Variants in SGPP2 observed in about 807,000 individuals in gnomAD.
SGPP2 encodes sphingosine 1-phosphate phosphohydrolase 2.
SGPP2 carries 30 observed loss-of-function variants against 33.9 expected under a neutral mutation model. That is an observed-to-expected ratio of 0.89 (90% confidence interval 0.66 to 1.20). The LOEUF (loss-of-function observed/expected upper bound fraction) is 1.20, where lower values mean the gene tolerates loss of function less well. Ranked by LOEUF, SGPP2 falls within the 50% of genes most tolerant of loss-of-function variation. The pLI, the probability that SGPP2 is intolerant of heterozygous loss-of-function variation, is 0.00. For synonymous variants in SGPP2, 233 were observed against 225.0 expected (o/e 1.04, Z -0.32); for missense variants, 458 against 532.1 (o/e 0.86, Z 1.37).
At chr2:222,507,574 G>A (rs958445652) in intron 2 of SGPP2, among the ~76,000 whole-genome samples, 1 of 152,160 alleles carries the variant, frequency 6.6e-6, no homozygotes, top group Non-Finnish European at 1.5e-5. Flanking sequence ...GAGGAATCTA[G>A]TAGAAAAGGG....
intron 1 of SGPP2, among the ~76,000 whole-genome samples, chr2:222,459,142 C>CTTTCTTTTTTTTTTTTTTTTTT (rs1414316448): frequency 1.8e-4 from 17 of 94,464 alleles, no homozygotes; most frequent in East Asian, 2.8e-4. Context: ...TTCTTTCTTT[C>CTTTCTTTTTTTTTTTTTTTTTT]TTTTTTTTTT....
chr2:222,553,096 C>CCCTA, intron 4 of SGPP2, among the ~76,000 whole-genome samples: 1 of 152,280 alleles, frequency 6.6e-6, no homozygotes, highest in Admixed American at 6.5e-5. Context: ...AGGCAGGCAA[C>CCCTA]ACACAGCAAT....
chr2:222,525,185 G>A (rs180854516), intron 4 of SGPP2, 152 bp downstream of exon 4: 53 of 611,684 alleles, frequency 8.7e-5, no homozygotes, highest in Non-Finnish European at 1.2e-4. Context: ...TATTATGTTC[G>A]GGTGCATGTA....
intron 2 of SGPP2, among the ~76,000 whole-genome samples, chr2:222,500,602 T>C (rs1698353205): frequency 6.6e-6 from 1 of 152,142 alleles, no homozygotes; most frequent in Non-Finnish European, 1.5e-5. Flanking sequence ...AATGGAAACA[T>C]ATGTTGTGTG....
At chr2:222,433,944 G>A (rs1428682419) in intron 1 of SGPP2, among the ~76,000 whole-genome samples, 5 of 152,202 alleles carry the variant, frequency 3.3e-5, no homozygotes, top group Non-Finnish European at 5.9e-5. Flanking sequence ...AAGATGTCAA[G>A]ACATTTGCAT....
intron 2 of SGPP2, among the ~76,000 whole-genome samples, chr2:222,484,869 C>T (rs890638399): frequency 6.6e-6 from 1 of 152,216 alleles, no homozygotes; most frequent in Non-Finnish European, 1.5e-5. Flanking sequence ...CCATGGAGGA[C>T]TTTCAGATAA....
intron 4 of SGPP2, among the ~76,000 whole-genome samples, chr2:222,533,858 T>C (rs1054749337): frequency 2.0e-5 from 3 of 152,060 alleles, no homozygotes; most frequent in Admixed American, 2.0e-4. Flanking sequence ...AGATCTCACA[T>C]TGGCTGCACC....
chr2:222,485,000 C>G (rs1238963853), intron 2 of SGPP2, among the ~76,000 whole-genome samples: 1 of 152,218 alleles, frequency 6.6e-6, no homozygotes, highest in Non-Finnish European at 1.5e-5. Context: ...CCCTCCGCTA[C>G]ATGTACAAGT....
chr2:222,519,706 C>T (rs529913874), intron 2 of SGPP2, among the ~76,000 whole-genome samples: 2 of 152,264 alleles, frequency 1.3e-5, no homozygotes, highest in South Asian at 2.1e-4. Context: ...CTGTTGTTCC[C>T]GTGTTTATGT....
chr2:222,503,718 G>A (rs1469005540), intron 2 of SGPP2, among the ~76,000 whole-genome samples: 4 of 152,142 alleles, frequency 2.6e-5, no homozygotes, highest in African/African-American at 7.2e-5. Flanking sequence ...AAGACTCTCA[G>A]GTCCTTCCTT....
chr2:222,549,627 T>G (rs936542736), intron 4 of SGPP2, among the ~76,000 whole-genome samples: 3 of 152,068 alleles, frequency 2.0e-5, no homozygotes, highest in African/African-American at 7.2e-5. Flanking sequence ...AGCTCAAGCT[T>G]TTACCTAAAT....
rs572670731 is a variant in SGPP2 at position 222,556,492 on chromosome 2, C to T, written c.649-1855C>T. Among the ~76,000 whole-genome samples, 282 of 139,982 alleles carry T rather than the reference C, an allele frequency of 2.0e-3. 1 individual carries two copies. Among genetic ancestry groups the T allele is most frequent in the African/African-American group, 7.1e-3 (266 of 37,546 alleles). 91.8% of individuals were successfully genotyped at this position (139,982 alleles called of 152,430 possible). A position where few individuals can be genotyped will look rare whatever the true frequency, so the allele number is the denominator to read the frequency against. Reference sequence around the variant, plus strand: ...CGCATCCACTCTCACTTCCCCCACACCCTCATTCCTCCCCTGACCACCCTC... The same window carrying T: ...CGCATCCACTCTCACTTCCCCCACATCCTCATTCCTCCCCTGACCACCCTC... On this transcript the variant is annotated intron_variant, in intron 4 of 4. Transcript: ENST00000321276.
chr2:222,549,863 TTTTTCTTTTC>T (rs572624297), intron 4 of SGPP2, among the ~76,000 whole-genome samples: 7 of 151,634 alleles, frequency 4.6e-5, no homozygotes, highest in African/African-American at 9.7e-5. Context: ...TCTTGTATGC[TTTTTCTTTTC>T]TTTTCTTTTC....
intron 4 of SGPP2, among the ~76,000 whole-genome samples, chr2:222,543,047 C>T (rs550837662): frequency 4.6e-5 from 7 of 152,292 alleles, no homozygotes; most frequent in East Asian, 1.9e-4. Flanking sequence ...ACCCTATTGG[C>T]ATCTTGTGGT....
At chr2:222,535,305 G>T (rs1698896551) in intron 4 of SGPP2, among the ~76,000 whole-genome samples, 1 of 149,520 alleles carries the variant, frequency 6.7e-6, no homozygotes, top group African/African-American at 2.5e-5. Flanking sequence ...TTGAACCTGG[G>T]AGGCGGAGGT....
chr2:222,507,307 C>T (rs537381636), intron 2 of SGPP2, among the ~76,000 whole-genome samples: 2 of 152,158 alleles, frequency 1.3e-5, no homozygotes, highest in East Asian at 3.9e-4. Context: ...AGTAATCAAT[C>T]GGTCAAAACT....
intron 1 of SGPP2, among the ~76,000 whole-genome samples, chr2:222,469,264 A>G (rs1176790062): frequency 6.6e-6 from 1 of 151,960 alleles, no homozygotes; most frequent in Non-Finnish European, 1.5e-5. Flanking sequence ...GCTCACCGCA[A>G]CCTCCGCCCC....
chr2:222,550,588 C>T lies in SGPP2; in HGVS notation c.649-7759C>T, dbSNP rs1300921424. Among the ~76,000 whole-genome samples, 1 of 152,108 alleles carries T rather than the reference C, an allele frequency of 6.6e-6. No individual in the cohort carries two copies. The highest frequency in any genetic ancestry group is 1.5e-5 in the Non-Finnish European group (1 of 68,018). On this transcript the variant is annotated intron_variant, in intron 4 of 4. Transcript: ENST00000321276. This position sits in a 1 kb window ranked among gnomAD's most constrained non-coding sequence, Gnocchi z 4.5. ...GTTTAAAACATCTCACTTATGGTTA[C>T]CTTGAAACCATAGAAAATGAGGTTG...
rs1395015235 is a variant in SGPP2, at chr2:222,424,551, AGGGCACCGGCCCGGCGTGGCAGCGGC to A, written c.-49_-24del. 2 of 1,136,112 alleles carry A rather than the reference AGGGCACCGGCCCGGCGTGGCAGCGGC, an allele frequency of 1.8e-6. No individual in the cohort carries two copies. Among genetic ancestry groups the A allele is most frequent in the Non-Finnish European group, 2.2e-6 (2 of 907,216 alleles). 70.4% of individuals were successfully genotyped at this position (1,136,112 alleles called of 1,614,324 possible). On this transcript the variant is annotated 5_prime_UTR_variant, in exon 1 of 5. Coordinates refer to ENST00000321276, the MANE Select transcript of SGPP2 (RefSeq NM_152386.4). Reference sequence around the variant, plus strand: ...GAGGCGGGAGTGGCGGTGCCAGCGGAGGGCACCGGCCCGGCGTGGCAGCGGCGGCGGAGCGCGGCCCCGGGCACACC... The same window carrying A: ...GAGGCGGGAGTGGCGGTGCCAGCGGAGGCGGAGCGCGGCCCCGGGCACACC...
Sources: allele counts gnomAD v4.1 joint callset (sites outside exome capture counted in the v4.1 genomes callset), GRCh38; gene constraint gnomAD v4.1.1; non-coding constraint Gnocchi (gnomAD v3.1); transcripts MANE v1.5; gene names NCBI Gene and HGNC (gene_info 2026-07-23, HGNC 2026-07-21).